SKP1: variants seen among roughly 807,000 people sequenced by gnomAD.
The protein encoded by SKP1 is S-phase kinase associated protein 1, also known as S-phase kinase-associated protein 1.
A neutral mutation model predicts 21.5 loss-of-function variants in SKP1; 1 was observed. The observed-to-expected ratio is 0.05, with a 90% CI of 0.02 to 0.22. SKP1 has a LOEUF of 0.22. Among genes scored for constraint, SKP1 ranks in the 10% least tolerant of loss-of-function variants. The pLI, the probability that SKP1 is intolerant of heterozygous loss-of-function variation, is 1.00. For missense variants in SKP1, 70 were observed against 192.0 expected, an observed-to-expected ratio of 0.36 and a Z score of 3.76; for synonymous variants, 59 against 59.3, an observed-to-expected ratio of 0.99 and a Z score of 0.03.
At chr5:134,171,397 T>C (rs1418654244) in intron 2 of SKP1, among the ~76,000 whole-genome samples, 1 of 152,228 alleles carries the variant, frequency 6.6e-6, no homozygotes, top group Non-Finnish European at 1.5e-5. Flanking sequence ...TACTGATTTC[T>C]ATACTCTTAG....
intron 2 of SKP1, among the ~76,000 whole-genome samples, chr5:134,169,247 G>T (rs544604936): frequency 4.5e-4 from 69 of 152,262 alleles, no homozygotes; most frequent in Admixed American, 3.1e-3. Flanking sequence ...GATGAAAGTA[G>T]ATTCAAAAAT....
chr5:134,159,570 C>A (rs531932519), intron 4 of SKP1, among the ~76,000 whole-genome samples: 1 of 147,336 alleles, frequency 6.8e-6, no homozygotes, highest in African/African-American at 2.5e-5. Flanking sequence ...TTTTTTGAGA[C>A]GAAGTCTCGC....
At chr5:134,161,979 A>G (rs936099072) in intron 3 of SKP1, 1 of 152,210 alleles carries the variant, frequency 6.6e-6, no homozygotes, top group Non-Finnish European at 1.5e-5. Flanking sequence ...TGTATGGCTA[A>G]AACTTTTTCA....
Position 134,151,797 on chromosome 5 carries a change from C to A in SKP1, c.*5936G>T. 1 of 395,966 alleles carries A rather than the reference C, an allele frequency of 2.5e-6. No homozygotes were observed. The highest frequency in any genetic ancestry group is 5.2e-6 in the Non-Finnish European group (1 of 192,116). The allele number at this position is 395,966 out of a possible 1,614,324, so 24.5% of individuals were successfully genotyped here. A position where few individuals can be genotyped will look rare whatever the true frequency, so the allele number is the denominator to read the frequency against. On this transcript the variant is annotated 3_prime_UTR_variant, in exon 6 of 6. Transcript: ENST00000353411. ...CAGAGGTAGCCAGCAGTACACAAGA[C>A]TGCAAGGCAACAAGTACATTATCAA...
intron 2 of SKP1, among the ~76,000 whole-genome samples, chr5:134,169,690 C>A (rs2149376447): frequency 6.6e-6 from 1 of 152,014 alleles, no homozygotes; most frequent in Non-Finnish European, 1.5e-5. Flanking sequence ...CATGGTGAAA[C>A]CCCGTTTCTA....
Position 134,167,256 on chromosome 5 carries a change from G to A in SKP1, c.98-13C>T, listed in dbSNP as rs9327679. 1 of 1,556,836 alleles carries A rather than the reference G, an allele frequency of 6.4e-7. No individual in the cohort carries two copies. The highest frequency in any genetic ancestry group is 8.9e-7 in the Non-Finnish European group (1 of 1,128,880). On this transcript the variant is annotated splice_polypyrimidine_tract_variant and intron_variant, in intron 2 of 5. Transcript: ENST00000353411. The stretch of plus-strand genomic sequence containing the variant: ...TCCATTCCCAAATCTAAGAAAACCA[G>A]AAGAAAGTTTCTATTTCCTAATTCC...
In SKP1 at chr5:134,157,161, T is replaced by C. The variant is rs1561717405; in HGVS notation, c.*572A>G. The C allele has an allele frequency of 6.6e-6, 1 of 152,484 alleles. No homozygotes were observed. The highest frequency in any genetic ancestry group is 1.5e-5 in the Non-Finnish European group (1 of 68,054). The allele number at this position is 152,484 out of a possible 1,614,324, so 9.4% of individuals were successfully genotyped here. A position where few individuals can be genotyped will look rare whatever the true frequency, so the allele number is the denominator to read the frequency against. ...TATTTAAAACTAAGAGGATTAAAAA[T>C]AAAGAAAAAGAAAACAAGTCCTCAG... is the stretch of plus-strand genomic sequence containing the variant. On this transcript the variant is annotated 3_prime_UTR_variant, in exon 6 of 6. Coordinates refer to ENST00000353411, the MANE Select transcript of SKP1 (RefSeq NM_170679.3).
intron 3 of SKP1, among the ~76,000 whole-genome samples, chr5:134,163,508 G>A (rs1761261431): frequency 1.3e-5 from 2 of 150,816 alleles, no homozygotes; most frequent in South Asian, 2.1e-4. Flanking sequence ...AAAACTTCTC[G>A]GCTGGGTGTG....
rs1045003782 is a variant in SKP1, at chr5:134,156,571, G to A, written c.*1162C>T. On this transcript the variant is annotated 3_prime_UTR_variant, in exon 6 of 6. Transcript: ENST00000353411. ...ACTGGAAAAGCAAGGAGAAAAAAAGGGAGCACAAGGAAGAAAAAAAAATCA... is the reference window on the plus strand; with the variant it reads ...ACTGGAAAAGCAAGGAGAAAAAAAGAGAGCACAAGGAAGAAAAAAAAATCA... The A allele has an allele frequency of 5.3e-5, 8 of 152,128 alleles. No individual in the cohort carries two copies. The highest frequency in any genetic ancestry group is 1.0e-4 in the Non-Finnish European group (7 of 68,030). The allele number at this position is 152,128 out of a possible 1,614,324, so 9.4% of individuals were successfully genotyped here.
Position 134,175,915 on chromosome 5 carries a change from G to A in SKP1, c.-1+940C>T, listed in dbSNP as rs552281181. Among the ~76,000 whole-genome samples the A allele has an allele frequency of 2.9e-5, 4 of 139,486 alleles. No homozygotes were observed. In the East Asian group the frequency reaches 8.1e-4, roughly 28 times the overall value. The allele number at this position is 139,486 out of a possible 152,430, so 91.5% of individuals were successfully genotyped here. Reference sequence around the variant, plus strand: ...ATTCTCCATGGCCAGCATAAAGCGGGTTCTATCACATCATATAGAAAAAAA... The same window carrying A: ...ATTCTCCATGGCCAGCATAAAGCGGATTCTATCACATCATATAGAAAAAAA... On this transcript the variant is annotated intron_variant, in intron 1 of 5. Transcript: ENST00000353411.
intron 4 of SKP1, 41 bp from the exon 5 acceptor site, chr5:134,158,636 T>C: frequency 6.4e-7 from 1 of 1,560,764 alleles, no homozygotes. Context: ...ATACTTGATG[T>C]TTTAAACTAA....
chr5:134,162,826 A>G (rs1761244490), intron 3 of SKP1, among the ~76,000 whole-genome samples: 1 of 152,202 alleles, frequency 6.6e-6, no homozygotes, highest in African/African-American at 2.4e-5. Flanking sequence ...TTGTAATCTC[A>G]GCACTTTGGG....
At position 134,166,223 on chromosome 5, in the gene SKP1, A is replaced by G. The variant is rs571017349; in HGVS notation, c.171+947T>C. 3.3e-5 allele frequency among the ~76,000 whole-genome samples: 5 copies of G among 151,078 alleles called. No homozygotes were observed. In the South Asian group the frequency reaches 8.3e-4, roughly 25 times the overall value. On this transcript the variant is annotated intron_variant, in intron 3 of 5. Transcript: ENST00000353411. ...ATGCTATATATTAACTAACATAGAC[A>G]TATCACCTTTCATTTTGTTATATGG...
intron 2 of SKP1, among the ~76,000 whole-genome samples, chr5:134,169,949 C>T (rs1002010597): frequency 1.3e-5 from 2 of 149,256 alleles, no homozygotes; most frequent in Non-Finnish European, 3.0e-5. Flanking sequence ...TGCAGTGAGC[C>T]GAGATTGTGC....
rs1171026631 is a variant in SKP1 at position 134,157,801 on chromosome 5, C to G, written c.457-33G>C. 7 of 1,612,566 alleles carry G rather than the reference C, an allele frequency of 4.3e-6. No individual in the cohort carries two copies. In the Admixed American group the frequency reaches 1.2e-4, roughly 27 times the overall value. On this transcript the variant is annotated intron_variant, in intron 5 of 5. Transcript: ENST00000353411. ...AGATGGATATAGGGAAGTACCTTAACTTGAGTAGTCTTTCCTAAGACTTAT... is the reference window on the plus strand; with the variant it reads ...AGATGGATATAGGGAAGTACCTTAAGTTGAGTAGTCTTTCCTAAGACTTAT...
At chr5:134,158,845 C>T (rs1183401455) in intron 4 of SKP1, among the ~76,000 whole-genome samples, 1 of 152,170 alleles carries the variant, frequency 6.6e-6, no homozygotes, top group Non-Finnish European at 1.5e-5. Flanking sequence ...AAATAACGGC[C>T]ACTACTGTTG....
chr5:134,167,851 G>C (rs1472854706), intron 2 of SKP1, among the ~76,000 whole-genome samples: 1 of 152,184 alleles, frequency 6.6e-6, no homozygotes, highest in Admixed American at 6.5e-5. Context: ...AGTATACACA[G>C]TGATGTGCAT....
rs562086899 is a variant in SKP1, at chr5:134,148,952, C to T, written c.*8781G>A. On this transcript the variant is annotated 3_prime_UTR_variant, in exon 6 of 6. Coordinates refer to ENST00000353411, the MANE Select transcript of SKP1 (RefSeq NM_170679.3). ...AAGTTACATACGCTGTTGGTGGACACGACAGCCACCATATCCACTTTATTT... is the reference window on the plus strand; with the variant it reads ...AAGTTACATACGCTGTTGGTGGACATGACAGCCACCATATCCACTTTATTT... 9.5e-4 allele frequency: 144 copies of T among 152,304 alleles called. No individual in the cohort carries two copies. The highest frequency in any genetic ancestry group is 3.1e-3 in the African/African-American group (128 of 41,570). The allele number at this position is 152,304 out of a possible 1,614,324, so 9.4% of individuals were successfully genotyped here.
At position 134,151,879 on chromosome 5, in the gene SKP1, A is replaced by T. The variant is rs527387961; in HGVS notation, c.*5854T>A. The T allele has an allele frequency of 6.3e-6, 2 of 318,620 alleles. No individual in the cohort carries two copies. The highest frequency in any genetic ancestry group is 1.3e-5 in the Non-Finnish European group (2 of 154,624). 19.7% of individuals were successfully genotyped at this position (318,620 alleles called of 1,614,324 possible). A position where few individuals can be genotyped will look rare whatever the true frequency, so the allele number is the denominator to read the frequency against. ...CCGCATTGGAAGTGTGTCAAGCAAGAGCACCTTCGACAACACTTTTCGGCC... is the reference window on the plus strand; with the variant it reads ...CCGCATTGGAAGTGTGTCAAGCAAGTGCACCTTCGACAACACTTTTCGGCC... On this transcript the variant is annotated 3_prime_UTR_variant, in exon 6 of 6. Transcript: ENST00000353411.
Sources: allele counts gnomAD v4.1 joint callset (sites outside exome capture counted in the v4.1 genomes callset), GRCh38; gene constraint gnomAD v4.1.1; transcripts MANE v1.5; gene names NCBI Gene and HGNC (gene_info 2026-07-23, HGNC 2026-07-21).